Variants in TOM1L2 observed in about 807,000 individuals in gnomAD.
TOM1L2 encodes the protein TOM1-like protein 2.
Under a neutral mutation model 67.9 loss-of-function variants are expected in TOM1L2, and 31 were observed. That is an observed-to-expected ratio of 0.46 (90% CI 0.34 to 0.62). The LOEUF (loss-of-function observed/expected upper bound fraction) is 0.62, where lower values mean the gene tolerates loss of function less well. Ranked by LOEUF, TOM1L2 falls within the 20% of genes least tolerant of loss-of-function variation. The pLI is 0.01. For synonymous variants in TOM1L2, 256 were observed against 254.0 expected (o/e 1.01, Z -0.07); for missense variants, 606 against 663.5 (o/e 0.91, Z 0.95).
At position 17,923,724 on chromosome 17, in the gene TOM1L2, A is replaced by T. The variant is rs979560426; in HGVS notation, c.53-16193T>A. On this transcript the variant is annotated intron_variant, in intron 1 of 14. Coordinates refer to ENST00000379504, the MANE Select transcript of TOM1L2 (RefSeq NM_001082968.2). ...AAGTTAAAATTGTAGATTTTATGTTATACACATCTTTAAAATGGTAAAAAA... is the reference window on the plus strand; with the variant it reads ...AAGTTAAAATTGTAGATTTTATGTTTTACACATCTTTAAAATGGTAAAAAA... Among the ~76,000 whole-genome samples, 7 of 152,140 alleles carry T rather than the reference A, an allele frequency of 4.6e-5. 1 individual carries two copies.
At chr17:17,862,872 G>A (rs77818644) in intron 10 of TOM1L2, 24 bp from the exon 11 acceptor site, 3 of 1,592,184 alleles carry the variant, frequency 1.9e-6, no homozygotes, top group Non-Finnish European at 2.6e-6. Context: ...ACAAATGGGT[G>A]GCAGATGAGA....
At chr17:17,889,929 C>A (rs2038189946) in intron 4 of TOM1L2, among the ~76,000 whole-genome samples, 1 of 152,056 alleles carries the variant, frequency 6.6e-6, no homozygotes, top group African/African-American at 2.4e-5. Flanking sequence ...GCTCTGGCAC[C>A]CCACACTTAG....
At chr17:17,848,734 CG>C in intron 14 of TOM1L2, 88 bp downstream of exon 14, 2 of 1,468,326 alleles carry the variant, frequency 1.4e-6, no homozygotes, top group South Asian at 1.1e-5. Flanking sequence ...GCTCTGGCAG[CG>C]GGGGCTCCAA....
intron 7 of TOM1L2, among the ~76,000 whole-genome samples, chr17:17,878,616 C>T (rs1349953520): frequency 6.6e-6 from 1 of 152,238 alleles, no homozygotes; most frequent in African/African-American, 2.4e-5. Flanking sequence ...GAAGGTGTAG[C>T]ACTTGGGGAC....
rs1011673874 is a variant in TOM1L2, at chr17:17,941,829, A to G, written c.52+30433T>C. On this transcript the variant is annotated intron_variant, in intron 1 of 14. Coordinates refer to ENST00000379504, the MANE Select transcript of TOM1L2 (RefSeq NM_001082968.2). ...CTATGAACCTCATTTTGCCTTAAAG[A>G]GTTTCAGCCTCTAAGCCAGGCGCAG... 5.3e-5 allele frequency among the ~76,000 whole-genome samples: 8 copies of G among 152,224 alleles called. 1 individual carries two copies. Among genetic ancestry groups the G allele is most frequent in the Admixed American group, 4.6e-4 (7 of 15,282 alleles).
chr17:17,968,908 G>A (rs1045757631), intron 1 of TOM1L2, among the ~76,000 whole-genome samples: 14 of 152,080 alleles, frequency 9.2e-5, no homozygotes, highest in Non-Finnish European at 1.8e-4. Context: ...ACTCAAAGAA[G>A]CCAGTCCCTG....
chr17:17,848,304 AGAG>A (rs541418481), intron 14 of TOM1L2, among the ~76,000 whole-genome samples: 76 of 152,064 alleles, frequency 5.0e-4, no homozygotes, highest in African/African-American at 1.7e-3. Flanking sequence ...AGACCTGGGG[AGAG>A]GAGGACAGGA....
chr17:17,912,183 C>A (rs1348177622), intron 1 of TOM1L2, among the ~76,000 whole-genome samples: 19 of 152,170 alleles, frequency 1.2e-4, no homozygotes, highest in African/African-American at 3.9e-4. Context: ...ACCTCCCAGA[C>A]GGGGTGGTGG....
chr17:17,928,322 G>A (rs1271899732), intron 1 of TOM1L2, among the ~76,000 whole-genome samples: 1 of 152,222 alleles, frequency 6.6e-6, no homozygotes, highest in Non-Finnish European at 1.5e-5. Context: ...GCTAAGCAAC[G>A]AGGGTACATC....
intron 1 of TOM1L2, among the ~76,000 whole-genome samples, chr17:17,926,836 C>T (rs185946084): frequency 2.2e-4 from 33 of 151,378 alleles, no homozygotes; most frequent in African/African-American, 7.0e-4. Flanking sequence ...CCTGTCTGGG[C>T]GACAGAGAGG....
intron 1 of TOM1L2, among the ~76,000 whole-genome samples, chr17:17,912,389 C>T (rs1457290343): frequency 3.3e-5 from 5 of 150,470 alleles, no homozygotes; most frequent in Non-Finnish European, 7.4e-5. Flanking sequence ...ACTTCTCAGA[C>T]GGGGCGGCTG....
chr17:17,944,692 G>A (rs978600880), intron 1 of TOM1L2, among the ~76,000 whole-genome samples: 4 of 152,198 alleles, frequency 2.6e-5, no homozygotes, highest in Non-Finnish European at 5.9e-5. Flanking sequence ...TAAAACCAAC[G>A]TCTCCTACAA....
intron 7 of TOM1L2, among the ~76,000 whole-genome samples, chr17:17,875,547 C>G (rs972334589): frequency 2.0e-5 from 3 of 152,242 alleles, no homozygotes; most frequent in South Asian, 2.1e-4. Context: ...TTCCTAAACG[C>G]TGACGACTTC....
In TOM1L2 at chr17:17,972,272, C is replaced by A. The variant is rs1459780665; in HGVS notation, c.42G>T (p.Gly14=). 2.6e-6 allele frequency: 4 copies of A among 1,551,506 alleles called. No homozygotes were observed. Among genetic ancestry groups the A allele is most frequent in the Non-Finnish European group, 3.5e-6 (4 of 1,148,156 alleles). Residue 14 remains glycine (G), a synonymous_variant, in exon 1 of 15, where the codon GGG becomes GGT. Coordinates refer to ENST00000379504, the MANE Select transcript of TOM1L2 (RefSeq NM_001082968.2). ...LLGNPFSTPV[G]QCLEKATDGS... is the part of the protein sequence containing the mutation. ...CACACGCGGCCTTACCGAGGCACTG[C>A]CCCACTGGTGTGCTGAACGGGTTCC...
At chr17:17,901,917 C>T (rs1432325261) in intron 2 of TOM1L2, among the ~76,000 whole-genome samples, 1 of 152,214 alleles carries the variant, frequency 6.6e-6, no homozygotes, top group South Asian at 2.1e-4. Flanking sequence ...GGTGCTCTGG[C>T]TCACGCCTGT....
At chr17:17,958,275 A>G (rs2041546954) in intron 1 of TOM1L2, among the ~76,000 whole-genome samples, 1 of 152,192 alleles carries the variant, frequency 6.6e-6, no homozygotes, top group African/African-American at 2.4e-5. Context: ...GCAAATCAGC[A>G]GCAGAGCAGT....
At chr17:17,884,426 C>T (rs931721759) in intron 5 of TOM1L2, among the ~76,000 whole-genome samples, 7 of 152,188 alleles carry the variant, frequency 4.6e-5, no homozygotes, top group African/African-American at 1.7e-4. Context: ...TTATATTCTT[C>T]CACAGACACT....
intron 1 of TOM1L2, among the ~76,000 whole-genome samples, chr17:17,949,963 C>T (rs1413742855): frequency 6.6e-6 from 1 of 151,498 alleles, no homozygotes; most frequent in African/African-American, 2.4e-5. Flanking sequence ...CTCCGCCTCC[C>T]GGGTTCACAC....
chr17:17,898,510 G>T, intron 3 of TOM1L2, 86 bp downstream of exon 3: 2 of 1,383,658 alleles, frequency 1.4e-6, no homozygotes, highest in Non-Finnish European at 2.1e-6. Flanking sequence ...TGCTAAGTGG[G>T]CAGAGGGAAG....
Sources: gnomAD v4.1 joint callset for allele counts (sites outside exome capture counted in the v4.1 genomes callset) on GRCh38, gnomAD v4.1.1 for gene constraint, MANE v1.5 for transcripts, NCBI Gene and HGNC (gene_info 2026-07-23, HGNC 2026-07-21) for gene names.